UTRN: variants seen among roughly 807,000 people sequenced by gnomAD.
UTRN encodes dystrophin-related protein 1.
UTRN carries 283 observed loss-of-function variants against 463.9 expected under a neutral mutation model. The ratio of observed to expected loss-of-function variants is 0.61; its 90% CI spans 0.55 to 0.67. The LOEUF is 0.67. Ranked by LOEUF, UTRN falls within the 30% of genes least tolerant of loss-of-function variation. The pLI, the probability that UTRN is intolerant of heterozygous loss-of-function variation, is 0.00. For missense variants in UTRN, 3,922 were observed against 4,084.3 expected, an observed-to-expected ratio of 0.96 and a Z score of 1.08; for synonymous variants, 1,442 against 1,431.5, an observed-to-expected ratio of 1.01 and a Z score of -0.17.
intron 53 of UTRN, among the ~76,000 whole-genome samples, chr6:144,710,847 A>C (rs1024275431): frequency 6.6e-6 from 1 of 152,220 alleles, no homozygotes; most frequent in South Asian, 2.1e-4. Flanking sequence ...CTAGCTTTCA[A>C]TTACTATCTA....
chr6:144,732,243 T>TATATATAC (rs1788668833), intron 54 of UTRN, among the ~76,000 whole-genome samples: 1 of 100,990 alleles, frequency 9.9e-6, no homozygotes, highest in African/African-American at 5.8e-5. Flanking sequence ...TATATACATA[T>TATATATAC]ATATATATAT....
intron 60 of UTRN, among the ~76,000 whole-genome samples, chr6:144,780,440 A>G (rs567137558): frequency 6.6e-6 from 1 of 152,296 alleles, no homozygotes; most frequent in South Asian, 2.1e-4. Flanking sequence ...AAAAGGTTAA[A>G]TACAGAGACA....
At chr6:144,391,794 A>G (rs1584575879) in intron 2 of UTRN, among the ~76,000 whole-genome samples, 1 of 152,210 alleles carries the variant, frequency 6.6e-6, no homozygotes, top group East Asian at 1.9e-4. Context: ...GGCATGCACC[A>G]CCACACCCAT....
chr6:144,652,651 AC>A (rs565224848), intron 51 of UTRN, among the ~76,000 whole-genome samples: 35 of 152,312 alleles, frequency 2.3e-4, no homozygotes, highest in Non-Finnish European at 4.1e-4. Flanking sequence ...CAATAGGGAT[AC>A]TCGTTTCCTT....
chr6:144,845,388 A>G (rs970006083), intron 73 of UTRN, among the ~76,000 whole-genome samples: 1 of 152,232 alleles, frequency 6.6e-6, no homozygotes, highest in African/African-American at 2.4e-5. Flanking sequence ...AAATGCTTTC[A>G]AAATTATTTT....
At chr6:144,356,565 C>T (rs1477783105) in intron 2 of UTRN, among the ~76,000 whole-genome samples, 2 of 152,170 alleles carry the variant, frequency 1.3e-5, no homozygotes, top group African/African-American at 4.8e-5. Context: ...TTAGCCCCAG[C>T]ACTTTGGGAC....
At chr6:144,408,046 C>T (rs7776211) in intron 3 of UTRN, among the ~76,000 whole-genome samples, 20,478 of 152,174 alleles carry the variant, frequency 0.13, 3,401 homozygotes, top group African/African-American at 0.39. Flanking sequence ...AAGACGCAAT[C>T]GATCATTATT....
chr6:144,523,515 G>A (rs1441450700), intron 41 of UTRN, among the ~76,000 whole-genome samples: 1 of 152,046 alleles, frequency 6.6e-6, no homozygotes, highest in Non-Finnish European at 1.5e-5. Context: ...TCACCATGTT[G>A]GCCAGGCTGG....
chr6:144,437,526 A>C (rs1786688581), intron 10 of UTRN, 39 bp from the exon 11 acceptor site: 8 of 1,491,582 alleles, frequency 5.4e-6, no homozygotes, highest in South Asian at 4.2e-5. Context: ...TTTTTTTTGC[A>C]CTGAGTAGCT....
chr6:144,516,688 C>A (rs1423829938), intron 38 of UTRN, 123 bp from the exon 39 acceptor site: 4 of 774,104 alleles, frequency 5.2e-6, no homozygotes, highest in Non-Finnish European at 7.3e-6. Context: ...TTTGATCGTT[C>A]AGGTTAACAT....
chr6:144,733,228 A>G (rs1562834994), intron 54 of UTRN, among the ~76,000 whole-genome samples: 2 of 152,124 alleles, frequency 1.3e-5, no homozygotes. Context: ...TGGAAAACAT[A>G]CTGCTTTTGG....
chr6:144,732,285 T>C lies in UTRN; in HGVS notation c.7939+1799T>C, dbSNP rs866555178. Among the ~76,000 whole-genome samples the C allele has an allele frequency of 3.9e-3, 471 of 120,468 alleles. 6 individuals carry two copies. The highest frequency in any genetic ancestry group is 0.011 in the African/African-American group (346 of 32,874). 79.0% of individuals were successfully genotyped at this position (120,468 alleles called of 152,430 possible). A position where few individuals can be genotyped will look rare whatever the true frequency, so the allele number is the denominator to read the frequency against. ...ACACATATATATATATATACACACA[T>C]ATATATATATACACATATATATATA... On this transcript the variant is annotated intron_variant, in intron 54 of 74. Transcript: ENST00000367545.
At position 144,487,711 on chromosome 6, in the gene UTRN, C is replaced by T. The variant is rs1401362741; in HGVS notation, c.3972+14C>T. 1.9e-6 allele frequency: 3 copies of T among 1,593,068 alleles called. No homozygotes were observed. Among genetic ancestry groups the T allele is most frequent in the Non-Finnish European group, 2.6e-6 (3 of 1,168,130 alleles). ...CTAAGTCACCTGGTAAGAGTTGGGA[C>T]ATACATGGGTGTTGATTAGGTATTG... On this transcript the variant is annotated intron_variant, in intron 29 of 74. Transcript: ENST00000367545.
At chr6:144,335,706 A>T (rs78594224) in intron 2 of UTRN, among the ~76,000 whole-genome samples, 1,734 of 152,280 alleles carry the variant, frequency 0.011, 28 homozygotes, top group African/African-American at 0.039. Context: ...CCCACTGCTG[A>T]ATCTCGTGGC....
intron 51 of UTRN, among the ~76,000 whole-genome samples, chr6:144,668,015 C>T (rs981776009): frequency 6.6e-6 from 1 of 152,154 alleles, no homozygotes; most frequent in Non-Finnish European, 1.5e-5. Context: ...TTGGTTTTGT[C>T]ATTTGGGTCA....
intron 53 of UTRN, among the ~76,000 whole-genome samples, chr6:144,723,555 A>C (rs1320926554): frequency 6.6e-6 from 1 of 152,204 alleles, no homozygotes; most frequent in Non-Finnish European, 1.5e-5. Flanking sequence ...GCATGGTCAA[A>C]ATATATGCAC....
chr6:144,769,608 GT>G (rs1227448605), intron 58 of UTRN, among the ~76,000 whole-genome samples: 2 of 152,200 alleles, frequency 1.3e-5, no homozygotes, highest in Non-Finnish European at 2.9e-5. Flanking sequence ...TAGGGGTTGT[GT>G]GAGGTGAAGA....
rs554495894 is a variant in UTRN at position 144,381,153 on chromosome 6, C to T, written c.80-21970C>T. On this transcript the variant is annotated intron_variant, in intron 2 of 74. Transcript: ENST00000367545. ...AGCCTAGTATCCATTAGTTATTTTTCGTGATCGTTTCCCTCCCCCCAACCT... is the reference window on the plus strand; with the variant it reads ...AGCCTAGTATCCATTAGTTATTTTTTGTGATCGTTTCCCTCCCCCCAACCT... 3.9e-5 allele frequency among the ~76,000 whole-genome samples: 6 copies of T among 152,130 alleles called. No homozygotes were observed. In the East Asian group the frequency reaches 5.8e-4, roughly 15 times the overall value.
intron 46 of UTRN, among the ~76,000 whole-genome samples, chr6:144,546,192 C>T (rs751572514): frequency 6.6e-6 from 1 of 152,142 alleles, no homozygotes; most frequent in Non-Finnish European, 1.5e-5. Flanking sequence ...CTGGGTTTAG[C>T]ATATGGGTGC....
Sources: gnomAD v4.1 joint callset for allele counts (sites outside exome capture counted in the v4.1 genomes callset) on GRCh38, gnomAD v4.1.1 for gene constraint, MANE v1.5 for transcripts, NCBI Gene and HGNC (gene_info 2026-07-23, HGNC 2026-07-21) for gene names.